RYR2: variants seen among roughly 807,000 people sequenced by gnomAD.
RYR2 encodes the protein cardiac muscle ryanodine receptor-calcium release channel.
RYR2 carries 227 observed loss-of-function variants against 601.1 expected under a neutral mutation model. The observed-to-expected ratio is 0.38, with a 90% CI of 0.34 to 0.42. The LOEUF (loss-of-function observed/expected upper bound fraction) is 0.42. RYR2 is among the 10% of genes least tolerant of loss of function. The probability of loss-of-function intolerance (pLI) is 1.00; values close to 1 mark genes in which losing one functional copy is unlikely to be tolerated. For synonymous variants in RYR2, 2,223 were observed against 2,175.1 expected (o/e 1.02, Z -0.61); for missense variants, 4,646 against 6,156.5 (o/e 0.75, Z 8.21).
rs539021736 is a variant in RYR2 at position 237,614,728 on chromosome 1, A to G, written c.5600A>G (p.Glu1867Gly). 6.2e-7 allele frequency: 1 copy of G among 1,614,022 alleles called. No individual in the cohort carries two copies. Among genetic ancestry groups the G allele is most frequent in the Non-Finnish European group, 8.5e-7 (1 of 1,179,884 alleles). Residue 1867 changes from glutamate (E) to glycine (G), a missense_variant, in exon 37 of 105, where the codon GAG (glutamate) becomes GGG (glycine). Coordinates refer to ENST00000366574, the MANE Select transcript of RYR2 (RefSeq NM_001035.3). The surrounding 1 kb of genome is among the most constrained non-coding windows in gnomAD (Gnocchi z 4.3). Reference sequence around the variant, plus strand: ...GAGGAGAGTGACACGCTGGAGAAAGAGCTCAGTGTGGACGATGCAAAGCTG... The same window carrying G: ...GAGGAGAGTGACACGCTGGAGAAAGGGCTCAGTGTGGACGATGCAAAGCTG... ...PEEESDTLEK[E>G]LSVDDAKLQG...
chr1:237,731,898 A>ACACACACCCC, intron 77 of RYR2, 148 bp from the exon 78 acceptor site: 1 of 563,820 alleles, frequency 1.8e-6, no homozygotes, highest in Non-Finnish European at 3.2e-6. Context: ...AAATACACAC[A>ACACACACCCC]CACACACACA....
At chr1:237,410,648 G>C (rs978656735) in intron 10 of RYR2, among the ~76,000 whole-genome samples, 17 of 152,132 alleles carry the variant, frequency 1.1e-4, no homozygotes, top group Admixed American at 7.2e-4. Flanking sequence ...CATATGGCTC[G>C]CAAAACCGAA....
In RYR2 at chr1:237,579,298, C is replaced by T. The variant is rs184639522; in HGVS notation, c.3598+9979C>T. Among the ~76,000 whole-genome samples the T allele has an allele frequency of 2.6e-3, 358 of 138,250 alleles. 1 individual carries two copies. Among genetic ancestry groups the T allele is most frequent in the Non-Finnish European group, 4.4e-3 (289 of 65,606 alleles). The allele number at this position is 138,250 out of a possible 152,430, so 90.7% of individuals were successfully genotyped here. A position where few individuals can be genotyped will look rare whatever the true frequency, so the allele number is the denominator to read the frequency against. On this transcript the variant is annotated intron_variant, in intron 29 of 104. Coordinates refer to ENST00000366574, the MANE Select transcript of RYR2 (RefSeq NM_001035.3). ...TGAGACAGAGTTTCACTCTTGTTGC[C>T]CAGGCTGGACTGCAGTGGCGTGATC...
chr1:237,344,239 G>T (rs544370586), intron 3 of RYR2, among the ~76,000 whole-genome samples: 2 of 152,298 alleles, frequency 1.3e-5, no homozygotes, highest in South Asian at 4.1e-4. Context: ...TTTGCCGGGG[G>T]CTGCCTTGAT....
At chr1:237,148,521 A>ATATATTTATATAT (rs1417305977) in intron 1 of RYR2, among the ~76,000 whole-genome samples, 10 of 44,002 alleles carry the variant, frequency 2.3e-4, no homozygotes, top group African/African-American at 7.1e-4. Flanking sequence ...CAAGTAAAAA[A>ATATATTTATATAT]AAAAAAATAT....
intron 1 of RYR2, among the ~76,000 whole-genome samples, chr1:237,266,722 G>C (rs540437318): frequency 3.3e-5 from 5 of 152,188 alleles, no homozygotes; most frequent in African/African-American, 4.8e-5. Context: ...TGTCAGATTA[G>C]GTTGTATCAT....
At chr1:237,651,351 A>C (rs1036251017) in intron 50 of RYR2, 60 bp from the exon 51 acceptor site, 7 of 1,125,556 alleles carry the variant, frequency 6.2e-6, no homozygotes, top group Non-Finnish European at 9.2e-6. Context: ...ATTCTAATGA[A>C]TGATCTACTT....
intron 16 of RYR2, among the ~76,000 whole-genome samples, chr1:237,463,609 G>A (rs1354706092): frequency 6.6e-6 from 1 of 152,180 alleles, no homozygotes; most frequent in Non-Finnish European, 1.5e-5. Flanking sequence ...GGGAGGCCAA[G>A]GCAGTGGGAT....
At chr1:237,396,719 A>T (rs10925403) in intron 10 of RYR2, among the ~76,000 whole-genome samples, 17,970 of 152,174 alleles carry the variant, frequency 0.12, 2,403 homozygotes, top group African/African-American at 0.33. Context: ...CTTCAGACAG[A>T]AAAAGGAGAC....
chr1:237,515,135 C>T (rs76478699), intron 24 of RYR2, among the ~76,000 whole-genome samples: 1,863 of 152,138 alleles, frequency 0.012, 34 homozygotes, highest in African/African-American at 0.043. Flanking sequence ...TACGGTACTG[C>T]GAAATTGTGA....
In RYR2 at chr1:237,529,760, T is replaced by TACACACACACACACACACACAC. The variant is rs71561882; in HGVS notation, c.2823-650_2823-629dup. Among the ~76,000 whole-genome samples the TACACACACACACACACACACAC allele has an allele frequency of 2.8e-3, 375 of 134,564 alleles. 5 individuals are homozygous for TACACACACACACACACACACAC. Among genetic ancestry groups the TACACACACACACACACACACAC allele is most frequent in the African/African-American group, 8.8e-3 (315 of 35,762 alleles). 88.3% of individuals were successfully genotyped at this position (134,564 alleles called of 152,430 possible). Reference sequence around the variant, plus strand: ...TATAAAAGGTAAAACAATAATATCATACACACACACACACACACACACACA... The same window carrying TACACACACACACACACACACAC: ...TATAAAAGGTAAAACAATAATATCATACACACACACACACACACACACACACACACACACACACACACACACA... On this transcript the variant is annotated intron_variant, in intron 24 of 104. Coordinates refer to ENST00000366574, the MANE Select transcript of RYR2 (RefSeq NM_001035.3).
intron 96 of RYR2, among the ~76,000 whole-genome samples, chr1:237,797,658 G>C (rs12043362): frequency 1.3e-5 from 2 of 152,160 alleles, no homozygotes; most frequent in Admixed American, 1.3e-4. Flanking sequence ...TATCAATAAC[G>C]TGAAACCTAC....
intron 12 of RYR2, among the ~76,000 whole-genome samples, chr1:237,427,349 A>G (rs1395746498): frequency 8.5e-5 from 13 of 152,218 alleles, no homozygotes; most frequent in Non-Finnish European, 1.3e-4. Flanking sequence ...GCTTATCAAT[A>G]TATATAAATG....
intron 101 of RYR2, among the ~76,000 whole-genome samples, chr1:237,822,770 G>A (rs1201198771): frequency 6.6e-6 from 1 of 152,210 alleles, no homozygotes; most frequent in African/African-American, 2.4e-5. Flanking sequence ...TTAATGTGCT[G>A]TATGCAGGAG....
intron 92 of RYR2, among the ~76,000 whole-genome samples, chr1:237,789,810 G>A (rs1658155565): frequency 6.6e-6 from 1 of 152,156 alleles, no homozygotes; most frequent in Non-Finnish European, 1.5e-5. Context: ...GACCAGTCAT[G>A]GCCACATCCG....
intron 5 of RYR2, among the ~76,000 whole-genome samples, chr1:237,368,738 T>C (rs899422378): frequency 6.6e-6 from 1 of 152,306 alleles, no homozygotes; most frequent in African/African-American, 2.4e-5. Flanking sequence ...TGAGAAGTTT[T>C]TAAGCCTGGA....
intron 11 of RYR2, 107 bp downstream of exon 11, chr1:237,417,230 A>G (rs1705099970): frequency 1.3e-6 from 1 of 780,008 alleles, no homozygotes; most frequent in East Asian, 2.6e-5. Flanking sequence ...AAGCAAGCGA[A>G]CAAAGGAAAC....
intron 10 of RYR2, among the ~76,000 whole-genome samples, chr1:237,400,794 C>A (rs1703285667): frequency 1.3e-5 from 2 of 151,940 alleles, no homozygotes; most frequent in East Asian, 3.9e-4. Context: ...AGTATTGGGT[C>A]ATAGTCCCAA....
At chr1:237,799,120 T>C (rs1244986844) in intron 97 of RYR2, among the ~76,000 whole-genome samples, 1 of 152,188 alleles carries the variant, frequency 6.6e-6, no homozygotes, top group East Asian at 1.9e-4. Flanking sequence ...AACTTGTTTT[T>C]GAACTTACTG....
Sources: gnomAD v4.1 joint callset for allele counts (sites outside exome capture counted in the v4.1 genomes callset) on GRCh38, gnomAD v4.1.1 for gene constraint, Gnocchi (gnomAD v3.1) non-coding constraint, MANE v1.5 for transcripts, NCBI Gene and HGNC (gene_info 2026-07-23, HGNC 2026-07-21) for gene names.